The following AP2A2 variants were observed in gnomAD, a reference collection of about 807,000 sequenced individuals.
AP2A2 encodes the protein adaptor related protein complex 2 subunit alpha 2, also known as AP-2 complex subunit alpha-2.
Under a neutral mutation model 104.2 loss-of-function variants are expected in AP2A2, and 32 were observed. The observed-to-expected ratio is 0.31, with a 90% CI of 0.23 to 0.41. The LOEUF is 0.41. AP2A2 is among the 10% of genes least tolerant of loss of function. AP2A2 has a pLI of 1.00. For missense variants in AP2A2, 912 were observed against 1,261.0 expected, an observed-to-expected ratio of 0.72 and a Z score of 4.19; for synonymous variants, 539 against 533.3, an observed-to-expected ratio of 1.01 and a Z score of -0.15.
intron 2 of AP2A2, among the ~76,000 whole-genome samples, chr11:960,720 G>A (rs567674190): frequency 6.6e-6 from 1 of 151,254 alleles, no homozygotes; most frequent in Admixed American, 6.6e-5. Flanking sequence ...GTTTCTCCAT[G>A]TTGGTCAGGC....
chr11:940,030 A>G (rs2134478820), intron 1 of AP2A2, among the ~76,000 whole-genome samples: 1 of 137,216 alleles, frequency 7.3e-6, no homozygotes, highest in Non-Finnish European at 1.5e-5. Context: ...ATCTCGGCTC[A>G]CTGTAACCTC....
At chr11:935,179 G>A (rs1472775883) in intron 1 of AP2A2, among the ~76,000 whole-genome samples, 2 of 150,160 alleles carry the variant, frequency 1.3e-5, no homozygotes, top group African/African-American at 2.5e-5. Flanking sequence ...TCAGCCTCCC[G>A]AGCAGCTTGG....
intron 18 of AP2A2, 24 bp downstream of exon 18, chr11:1,008,159 G>T: frequency 1.9e-6 from 3 of 1,579,108 alleles, no homozygotes; most frequent in Non-Finnish European, 2.6e-6. Flanking sequence ...GTGCGCCCCG[G>T]GCCAAGGGGT....
intron 1 of AP2A2, among the ~76,000 whole-genome samples, chr11:932,174 A>T (rs1208273144): frequency 2.0e-5 from 3 of 152,098 alleles, no homozygotes; most frequent in Non-Finnish European, 2.9e-5. Flanking sequence ...GCTGGTCTCG[A>T]ACTCTTGGCC....
At chr11:980,994 C>T (rs1855219007) in intron 5 of AP2A2, among the ~76,000 whole-genome samples, 1 of 152,204 alleles carries the variant, frequency 6.6e-6, no homozygotes, top group Non-Finnish European at 1.5e-5. Context: ...CGGAACTTCC[C>T]AGTTTTTAAG....
chr11:983,482 A>C (rs1022898567), intron 6 of AP2A2, among the ~76,000 whole-genome samples: 2 of 151,988 alleles, frequency 1.3e-5, no homozygotes, highest in Non-Finnish European at 2.9e-5. Context: ...TCCTGGGTTC[A>C]CGCCATTCTC....
At chr11:980,126 T>C (rs865997956) in intron 5 of AP2A2, among the ~76,000 whole-genome samples, 132 of 1,864 alleles carry the variant, frequency 0.071, 3 homozygotes, top group African/African-American at 0.3. Flanking sequence ...CCTGGAGCGG[T>C]GACAGGCTGC....
intron 14 of AP2A2, 63 bp downstream of exon 14, chr11:994,308 A>G (rs1855767990): frequency 6.3e-7 from 1 of 1,582,636 alleles, no homozygotes; most frequent in Non-Finnish European, 8.6e-7. Context: ...ACTTGGGACC[A>G]GCAGAGCATT....
chr11:995,672 C>G (rs1241008202), intron 14 of AP2A2, among the ~76,000 whole-genome samples: 1 of 150,298 alleles, frequency 6.7e-6, no homozygotes, highest in South Asian at 2.1e-4. Context: ...GCCGACAGTG[C>G]AGGGCCTGCC....
intron 10 of AP2A2, 52 bp downstream of exon 10, chr11:988,741 C>G (rs574519019): frequency 8.7e-6 from 14 of 1,600,894 alleles, no homozygotes; most frequent in Admixed American, 6.7e-5. Context: ...TGAATCTCAG[C>G]GGCAGGATTT....
At chr11:997,837 G>A (rs1157057586) in intron 14 of AP2A2, among the ~76,000 whole-genome samples, 2 of 152,194 alleles carry the variant, frequency 1.3e-5, no homozygotes, top group South Asian at 2.1e-4. Context: ...CCCAGAAGGC[G>A]GAGGTTGCAG....
intron 1 of AP2A2, among the ~76,000 whole-genome samples, chr11:951,015 C>T (rs958754284): frequency 6.6e-6 from 1 of 151,588 alleles, no homozygotes; most frequent in African/African-American, 2.4e-5. Context: ...TCACTTGAAC[C>T]TGGGAAGCGG....
At chr11:978,552 A>G (rs1038612176) in intron 5 of AP2A2, among the ~76,000 whole-genome samples, 2 of 152,176 alleles carry the variant, frequency 1.3e-5, no homozygotes, top group Non-Finnish European at 2.9e-5. Context: ...ACGGAAACTC[A>G]TCCTGAAGGG....
At chr11:987,836 C>T (rs1855515150) in intron 9 of AP2A2, among the ~76,000 whole-genome samples, 1 of 152,224 alleles carries the variant, frequency 6.6e-6, no homozygotes, top group Non-Finnish European at 1.5e-5. Context: ...AGCTGCATGT[C>T]CCCCATCTGG....
chr11:938,025 A>T (rs1239938050), intron 1 of AP2A2, among the ~76,000 whole-genome samples: 2 of 152,126 alleles, frequency 1.3e-5, no homozygotes, highest in Non-Finnish European at 2.9e-5. Flanking sequence ...GCCTGGAGGG[A>T]GCAGTCTCAT....
Position 993,438 on chromosome 11 carries a change from C to T in AP2A2, c.1550+57C>T, listed in dbSNP as rs558736983. Reference sequence around the variant, plus strand: ...GCGCTCCGGCGGGCCTCTCGGTGGTCGGTGGCAAGAGGCGAGGCACCAGCT... The same window carrying T: ...GCGCTCCGGCGGGCCTCTCGGTGGTTGGTGGCAAGAGGCGAGGCACCAGCT... On this transcript the variant is annotated intron_variant, in intron 12 of 21. Transcript: ENST00000448903. This position sits in a 1 kb window ranked among gnomAD's most constrained non-coding sequence, Gnocchi z 8.2. 86 of 1,389,658 alleles carry T rather than the reference C, an allele frequency of 6.2e-5. 1 individual carries two copies. The highest frequency in any genetic ancestry group is 1.7e-4 in the South Asian group (12 of 72,282). The allele number at this position is 1,389,658 out of a possible 1,614,324, so 86.1% of individuals were successfully genotyped here.
intron 6 of AP2A2, among the ~76,000 whole-genome samples, chr11:982,654 T>G (rs1348685722): frequency 1.4e-5 from 2 of 146,582 alleles, no homozygotes. Context: ...GTGGGAAACT[T>G]TTTTTTTTTT....
intron 1 of AP2A2, among the ~76,000 whole-genome samples, chr11:958,130 T>G (rs1429612941): frequency 6.6e-6 from 1 of 152,148 alleles, no homozygotes; most frequent in Non-Finnish European, 1.5e-5. Context: ...AGAGGTGGGG[T>G]CCTAATCCTG....
rs1334755399 is a variant in AP2A2, at chr11:1,009,776, A to G, written c.2701A>G (p.Ile901Val). The change falls in exon 21 of 22, where the codon ATT (isoleucine) becomes GTT (valine). Residue 901 changes from isoleucine to valine, a missense_variant. Coordinates refer to ENST00000448903, the MANE Select transcript of AP2A2 (RefSeq NM_012305.4). Reference sequence around the variant, plus strand: ...AATCATCCACACGAAAACCACCCAGATTGGATGCCTGCTGCGCTTGGAGCC... The same window carrying G: ...AATCATCCACACGAAAACCACCCAGGTTGGATGCCTGCTGCGCTTGGAGCC... ...AGIIHTKTTQ[I>V]GCLLRLEPNL... is the part of the protein sequence containing the mutation. The G allele has an allele frequency of 1.3e-6, 2 of 1,550,700 alleles. No homozygotes were observed. The highest frequency in any genetic ancestry group is 8.7e-7 in the Non-Finnish European group (1 of 1,146,296).
Sources: allele counts gnomAD v4.1 joint callset (sites outside exome capture counted in the v4.1 genomes callset), GRCh38; gene constraint gnomAD v4.1.1; non-coding constraint Gnocchi (gnomAD v3.1); transcripts MANE v1.5; gene names NCBI Gene and HGNC (gene_info 2026-07-23, HGNC 2026-07-21).